The following EXOSC2 variants were observed in gnomAD, a reference collection of about 807,000 sequenced individuals.
EXOSC2 encodes the protein exosome component 2, also known as exosome complex component RRP4.
In EXOSC2, 29 loss-of-function variants were observed where a neutral mutation model predicts 37.6. The observed-to-expected ratio is 0.77, with a 90% CI of 0.57 to 1.05. The LOEUF (loss-of-function observed/expected upper bound fraction) is 1.05, where lower values mean the gene tolerates loss of function less well. Among genes scored for constraint, EXOSC2 ranks in the 50% least tolerant of loss-of-function variants. The pLI is 0.00. For missense variants in EXOSC2, 346 were observed against 365.6 expected (o/e 0.95, Z 0.44); for synonymous variants, 119 against 131.1 (o/e 0.91, Z 0.63).
chr9:130,699,485 T>C, intron 5 of EXOSC2, 91 bp downstream of exon 5: 3 of 1,270,056 alleles, frequency 2.4e-6, no homozygotes, highest in Non-Finnish European at 3.5e-6. Flanking sequence ...GGAAGAACCA[T>C]GTCATCCTTG....
intron 5 of EXOSC2, 62 bp downstream of exon 5, chr9:130,699,456 T>A: frequency 6.8e-7 from 1 of 1,463,016 alleles, no homozygotes; most frequent in South Asian, 1.1e-5. Flanking sequence ...AAATGGGCCT[T>A]CCATTGTATG....
At chr9:130,695,680 A>C (rs1588196038) in intron 2 of EXOSC2, 87 bp downstream of exon 2, 7 of 1,089,570 alleles carry the variant, frequency 6.4e-6, no homozygotes, top group East Asian at 2.5e-5. Context: ...CCCCCACCCC[A>C]CCCCTGCCTG....
chr9:130,703,903 C>A lies in EXOSC2; in HGVS notation c.*129C>A. On this transcript the variant is annotated 3_prime_UTR_variant, in exon 9 of 9. Coordinates refer to ENST00000372358, the MANE Select transcript of EXOSC2 (RefSeq NM_014285.7). ...GTCTGCATTGACGGCCCTGTGACGG[C>A]CTCCAGCCCACAGGCCTGCTTTCTC... 1.4e-6 allele frequency: 1 copy of A among 725,344 alleles called. No individual in the cohort carries two copies. The highest frequency in any genetic ancestry group is 2.3e-6 in the Non-Finnish European group (1 of 444,040). The allele number at this position is 725,344 out of a possible 1,614,324, so 44.9% of individuals were successfully genotyped here.
Position 130,702,365 on chromosome 9 carries a change from G to A in EXOSC2, c.672+55G>A, listed in dbSNP as rs143800701. 1,291 of 1,495,612 alleles carry A rather than the reference G, an allele frequency of 8.6e-4. 5 individuals carry two copies. In the African/African-American group the frequency reaches 0.014, roughly 16 times the overall value. 92.6% of individuals were successfully genotyped at this position (1,495,612 alleles called of 1,614,324 possible). ...GGATGGAGGGGGCTCAGTCTTTGCTGTGTTTTTGTGGCCAGTGAAGTTGGT... is the reference window on the plus strand; with the variant it reads ...GGATGGAGGGGGCTCAGTCTTTGCTATGTTTTTGTGGCCAGTGAAGTTGGT... On this transcript the variant is annotated intron_variant, in intron 7 of 8. Transcript: ENST00000372358.
intron 5 of EXOSC2, 126 bp downstream of exon 5, chr9:130,699,520 T>C: frequency 1.1e-6 from 1 of 939,212 alleles, no homozygotes; most frequent in Non-Finnish European, 1.7e-6. Context: ...TTAGACCAAG[T>C]GTCGGGCTCT....
At chr9:130,695,655 C>T (rs1831077006) in intron 2 of EXOSC2, 62 bp downstream of exon 2, 2 of 1,441,030 alleles carry the variant, frequency 1.4e-6, no homozygotes, top group South Asian at 2.3e-5. Context: ...CAGGCTTTTC[C>T]TGCCCCCTCC....
At position 130,703,878 on chromosome 9, in the gene EXOSC2, G is replaced by A; in HGVS notation, c.*104G>A. The A allele has an allele frequency of 1.1e-6, 1 of 938,414 alleles. No homozygotes were observed. Among genetic ancestry groups the A allele is most frequent in the Non-Finnish European group, 1.6e-6 (1 of 623,174 alleles). The allele number at this position is 938,414 out of a possible 1,614,324, so 58.1% of individuals were successfully genotyped here. A position where few individuals can be genotyped will look rare whatever the true frequency, so the allele number is the denominator to read the frequency against. ...CAAAGACTCGAGAGATCATCCCTTT[G>A]TCTGCATTGACGGCCCTGTGACGGC... On this transcript the variant is annotated 3_prime_UTR_variant, in exon 9 of 9. Coordinates refer to ENST00000372358, the MANE Select transcript of EXOSC2 (RefSeq NM_014285.7).
chr9:130,693,880 G>A lies in EXOSC2; in HGVS notation c.89G>A (p.Gly30Glu). Residue 30 changes from glycine (G) to glutamate (E), a missense_variant, in exon 1 of 9, where the codon GGG becomes GAG. Transcript: ENST00000372358. ...RDTKKHLVVP[G>E]DTITTDTGFM... ...ACTAAGAAACATCTAGTGGTGCCGG[G>A]GGATACAATCACTACGGACACAGGA... The A allele has an allele frequency of 6.2e-7, 1 of 1,612,094 alleles. No individual in the cohort carries two copies. Among genetic ancestry groups the A allele is most frequent in the Non-Finnish European group, 8.5e-7 (1 of 1,178,570 alleles).
chr9:130,703,747 C>A lies in EXOSC2; in HGVS notation c.855C>A (p.Arg285=), dbSNP rs777298280. The A allele has an allele frequency of 6.2e-6, 10 of 1,613,578 alleles. No individual in the cohort carries two copies. In the Admixed American group the frequency reaches 6.7e-5, roughly 11 times the overall value. Residue 285 remains arginine (R), a synonymous_variant, in exon 9 of 9, where the codon CGC becomes CGA. Coordinates refer to ENST00000372358, the MANE Select transcript of EXOSC2 (RefSeq NM_014285.7). The part of the protein sequence containing the change: ...EIMEEIVMET[R]QRLLEQEG Reference sequence around the variant, plus strand: ...TGGAGGAGATTGTGATGGAAACACGCCAGAGGCTTTTGGAACAGGAGGGAT... The same window carrying A: ...TGGAGGAGATTGTGATGGAAACACGACAGAGGCTTTTGGAACAGGAGGGAT...
At position 130,702,276 on chromosome 9, in the gene EXOSC2, A is replaced by C; in HGVS notation, c.638A>C (p.Glu213Ala). The C allele has an allele frequency of 6.2e-7, 1 of 1,614,092 alleles. No individual in the cohort carries two copies. The highest frequency in any genetic ancestry group is 1.3e-5 in the African/African-American group (1 of 75,034). ...IWIYPTPEHKEEEAGGFIANL... is the reference protein window; with the variant it reads ...IWIYPTPEHKAEEAGGFIANL... ...ATTTACCCAACACCTGAGCACAAAGAAGAGGAAGCAGGGGGCTTCATTGCA... is the reference window on the plus strand; with the variant it reads ...ATTTACCCAACACCTGAGCACAAAGCAGAGGAAGCAGGGGGCTTCATTGCA... The change falls in exon 7 of 9, where the codon GAA becomes GCA. Residue 213 changes from glutamate (E) to alanine (A), a missense_variant. Physicochemically the swap from Glu to Ala is moderately radical, Grantham distance 107. Coordinates refer to ENST00000372358, the MANE Select transcript of EXOSC2 (RefSeq NM_014285.7).
At position 130,703,117 on chromosome 9, in the gene EXOSC2, C is replaced by T. The variant is rs1474078944; in HGVS notation, c.737C>T (p.Thr246Ile). ...RLRNCIISLV[T>I]QRMMLYDTSI... ...CGGAACTGCATCATCTCGCTGGTAA[C>T]TCAGAGGATGATGCTGTATGATACC... is the stretch of plus-strand genomic sequence containing the variant. Residue 246 changes from threonine (T) to isoleucine (I), a missense_variant, in exon 8 of 9, where the codon ACT (threonine) becomes ATT (isoleucine). Physicochemically the swap from Thr to Ile is moderately conservative, Grantham distance 89. Transcript: ENST00000372358. 6.2e-7 allele frequency: 1 copy of T among 1,614,010 alleles called. No homozygotes were observed. The highest frequency in any genetic ancestry group is 8.5e-7 in the Non-Finnish European group (1 of 1,179,964).
chr9:130,696,877 G>A (rs1251195892), intron 2 of EXOSC2, among the ~76,000 whole-genome samples: 1 of 152,176 alleles, frequency 6.6e-6, no homozygotes, highest in Non-Finnish European at 1.5e-5. Context: ...CTGAGATGGG[G>A]ACAACTCATC....
In EXOSC2 at chr9:130,699,179, CA is replaced by C. The variant is rs544197297; in HGVS notation, c.361-148del. The C allele has an allele frequency of 4.5e-3, 3,361 of 745,766 alleles. 9 individuals carry two copies. The highest frequency in any genetic ancestry group is 6.3e-3 in the Non-Finnish European group (2,683 of 426,632). The allele number at this position is 745,766 out of a possible 1,614,324, so 46.2% of individuals were successfully genotyped here. ...AGTCGTGATTATCACTGATTCCCCT[CA>C]AGTGGCTTGGGTTACCTACTCTTGC... is the stretch of plus-strand genomic sequence containing the variant. On this transcript the variant is annotated intron_variant, in intron 4 of 8. Coordinates refer to ENST00000372358, the MANE Select transcript of EXOSC2 (RefSeq NM_014285.7).
chr9:130,695,734 T>A, intron 2 of EXOSC2, 141 bp downstream of exon 2: 1 of 699,792 alleles, frequency 1.4e-6, no homozygotes, highest in Non-Finnish European at 2.5e-6. Context: ...TGACTGTAGG[T>A]GGGGTGGTGC....
Position 130,694,375 on chromosome 9 carries a change from T to C in EXOSC2, c.122+462T>C, listed in dbSNP as rs1831046172. 6.6e-6 allele frequency among the ~76,000 whole-genome samples: 1 copy of C among 152,144 alleles called. No homozygotes were observed. The highest frequency in any genetic ancestry group is 2.4e-5 in the African/African-American group (1 of 41,420). ...TGCACCCATTTATACACATTTTGAA[T>C]CTAAGGGGTGTAGTGCAGTGTATTG... is the stretch of plus-strand genomic sequence containing the variant. On this transcript the variant is annotated intron_variant, in intron 1 of 8. Transcript: ENST00000372358. This position sits in a 1 kb window ranked among gnomAD's most constrained non-coding sequence, Gnocchi z 4.0.
chr9:130,702,123 T>C lies in EXOSC2; in HGVS notation c.496-11T>C, dbSNP rs986630045. On this transcript the variant is annotated splice_polypyrimidine_tract_variant and intron_variant, in intron 6 of 8. Coordinates refer to ENST00000372358, the MANE Select transcript of EXOSC2 (RefSeq NM_014285.7). ...CTTGCAGTGACCTAGCTTCGTGATA[T>C]ATTTCTTTAGCTAGGTCAGGGGGTT... The C allele has an allele frequency of 1.9e-6, 3 of 1,612,988 alleles. No homozygotes were observed. Among genetic ancestry groups the C allele is most frequent in the South Asian group, 1.1e-5 (1 of 91,012 alleles).
Position 130,695,588 on chromosome 9 carries a change from A to C in EXOSC2, c.219A>C (p.Lys73Asn), listed in dbSNP as rs1279496081. Residue 73 changes from lysine to asparagine, a missense_variant, in exon 2 of 9, where the codon AAA (lysine) becomes AAC (asparagine). Physicochemically the swap from Lys to Asn is moderately conservative, Grantham distance 94 (BLOSUM62 0). Coordinates refer to ENST00000372358, the MANE Select transcript of EXOSC2 (RefSeq NM_014285.7). ...AGTTGATCTGTGTGAAAGCTTTGAAAACCAGGTGAGAACAAAAGGTGTGTA... is the reference window on the plus strand; with the variant it reads ...AGTTGATCTGTGTGAAAGCTTTGAACACCAGGTGAGAACAAAAGGTGTGTA... ...VNKLICVKAL[K>N]TRYIGEVGDI... 2 of 1,613,952 alleles carry C rather than the reference A, an allele frequency of 1.2e-6. No individual in the cohort carries two copies. Among genetic ancestry groups the C allele is most frequent in the Admixed American group, 3.3e-5 (2 of 60,002 alleles).
In EXOSC2 at chr9:130,698,771, C is replaced by T. The variant is rs1197583414; in HGVS notation, c.360+520C>T. On this transcript the variant is annotated intron_variant, in intron 4 of 8. Coordinates refer to ENST00000372358, the MANE Select transcript of EXOSC2 (RefSeq NM_014285.7). The surrounding 1 kb of genome is among the most constrained non-coding windows in gnomAD (Gnocchi z 4.1). Reference sequence around the variant, plus strand: ...AGGCTTACTGTGCCAAGCTCTGTGCCGAGTGCCAAGCACGATTGAGTTCCC... The same window carrying T: ...AGGCTTACTGTGCCAAGCTCTGTGCTGAGTGCCAAGCACGATTGAGTTCCC... 1.3e-5 allele frequency among the ~76,000 whole-genome samples: 2 copies of T among 152,088 alleles called. No individual in the cohort carries two copies. Among genetic ancestry groups the T allele is most frequent in the African/African-American group, 2.4e-5 (1 of 41,428 alleles).
chr9:130,699,512 A>C (rs551664628), intron 5 of EXOSC2, 118 bp downstream of exon 5: 2 of 1,041,434 alleles, frequency 1.9e-6, no homozygotes, highest in African/African-American at 3.1e-5. Context: ...TCCGAGTCTT[A>C]GACCAAGTGT....
Sources: gnomAD v4.1 joint callset for allele counts (sites outside exome capture counted in the v4.1 genomes callset) on GRCh38, gnomAD v4.1.1 for gene constraint, Gnocchi (gnomAD v3.1) non-coding constraint, MANE v1.5 for transcripts, NCBI Gene and HGNC (gene_info 2026-07-23, HGNC 2026-07-21) for gene names.